The following WNK1 variants were observed in gnomAD, a reference collection of about 807,000 sequenced individuals.
WNK1 encodes serine/threonine-protein kinase WNK1.
Under a neutral mutation model 222.8 loss-of-function variants are expected in WNK1, and 38 were observed. The observed-to-expected ratio is 0.17, with a 90% CI of 0.13 to 0.22. The LOEUF (loss-of-function observed/expected upper bound fraction) is 0.22, where lower values mean the gene tolerates loss of function less well. Among genes scored for constraint, WNK1 ranks in the 10% least tolerant of loss-of-function variants. The pLI is 1.00. For missense variants in WNK1, 2,348 were observed against 2,918.4 expected (o/e 0.80, Z 4.50); for synonymous variants, 1,090 against 1,092.9 (o/e 1.00, Z 0.05).
chr12:835,911 G>A (rs1949141964), intron 4 of WNK1, among the ~76,000 whole-genome samples: 2 of 151,744 alleles, frequency 1.3e-5, no homozygotes, highest in Admixed American at 6.6e-5. Context: ...CTGAGATAGC[G>A]CCATTGCACT....
chr12:856,223 G>A (rs561376068), intron 4 of WNK1, among the ~76,000 whole-genome samples: 8 of 151,760 alleles, frequency 5.3e-5, no homozygotes, highest in South Asian at 2.1e-4. Flanking sequence ...CGAGGAGGGC[G>A]GATCACCTGA....
chr12:881,109 A>G (rs1953115840), intron 12 of WNK1, 110 bp downstream of exon 12: 5 of 1,400,878 alleles, frequency 3.6e-6, no homozygotes, highest in Non-Finnish European at 9.9e-7. Flanking sequence ...TTTGGAGACC[A>G]TGTCAAACTA....
At chr12:830,230 C>A in intron 4 of WNK1, 70 bp downstream of exon 4, 1 of 1,550,462 alleles carries the variant, frequency 6.4e-7, no homozygotes, top group Non-Finnish European at 8.9e-7. Context: ...TGGATGACAT[C>A]AAACCATGTA....
chr12:839,976 C>T (rs146620849), intron 4 of WNK1, among the ~76,000 whole-genome samples: 222 of 151,594 alleles, frequency 1.5e-3, no homozygotes, highest in Non-Finnish European at 2.5e-3. Context: ...GATCCGCCCA[C>T]CTCGGCCCCC....
rs1954065931 is a variant in WNK1 at position 890,044 on chromosome 12, C to A, written c.5449-409C>A. On this transcript the variant is annotated intron_variant, in intron 21 of 27. Transcript: ENST00000315939. ...CTTGGCTCACTGCAACCATCACCTC[C>A]CAGGTTCAAGTGATTCTTCTACCTC... 2.0e-5 allele frequency among the ~76,000 whole-genome samples: 3 copies of A among 151,508 alleles called. No homozygotes were observed. In the East Asian group the frequency reaches 5.8e-4, roughly 29 times the overall value.
chr12:754,768 C>T (rs1046504500), intron 1 of WNK1, among the ~76,000 whole-genome samples: 2 of 152,082 alleles, frequency 1.3e-5, no homozygotes, highest in African/African-American at 2.4e-5. Flanking sequence ...CAACCTTGTA[C>T]CTTTGGATGT....
intron 4 of WNK1, among the ~76,000 whole-genome samples, chr12:836,814 A>T (rs1368375965): frequency 6.6e-6 from 1 of 152,252 alleles, no homozygotes; most frequent in Non-Finnish European, 1.5e-5. Flanking sequence ...TTTTGTGCTT[A>T]TCATATTAAA....
intron 26 of WNK1, chr12:901,710 G>C (rs1393512262): frequency 1.0e-6 from 1 of 979,636 alleles, no homozygotes. Flanking sequence ...TGGATCTGAT[G>C]TTTCACGCAG....
intron 4 of WNK1, among the ~76,000 whole-genome samples, chr12:833,351 C>T (rs187301889): frequency 6.6e-6 from 1 of 152,188 alleles, no homozygotes; most frequent in Non-Finnish European, 1.5e-5. Context: ...ACTTAAGATA[C>T]CAGTTTGCTG....
chr12:859,259 A>T lies in WNK1; in HGVS notation c.1415A>T (p.Asp472Val). 6.2e-7 allele frequency: 1 copy of T among 1,613,078 alleles called. No homozygotes were observed. Among genetic ancestry groups the T allele is most frequent in the Non-Finnish European group, 8.5e-7 (1 of 1,179,218 alleles). Residue 472 changes from aspartate to valine, a missense_variant, in exon 6 of 28, where the codon GAC (aspartate) becomes GTC (valine). By Grantham distance (152) the Asp-to-Val change is radical. Coordinates refer to ENST00000315939, the MANE Select transcript of WNK1 (RefSeq NM_018979.4). ...CTGTTTGGAAGATATTCCATCAAAG[A>T]CCTTTTGAACCATGCCTTCTTCCAA... is the stretch of plus-strand genomic sequence containing the variant. ...QNKDERYSIK[D>V]LLNHAFFQEE...
At chr12:816,692 TC>T (rs1188635886) in intron 2 of WNK1, among the ~76,000 whole-genome samples, 2 of 152,098 alleles carry the variant, frequency 1.3e-5, no homozygotes, top group Non-Finnish European at 2.9e-5. Flanking sequence ...TGATAATTGA[TC>T]AGGAACGGAA....
chr12:900,424 G>A, intron 25 of WNK1, 52 bp from the exon 26 acceptor site: 1 of 1,595,730 alleles, frequency 6.3e-7, no homozygotes, highest in Non-Finnish European at 8.6e-7. Flanking sequence ...TGCCTGATGA[G>A]TGCATGGGAA....
intron 2 of WNK1, among the ~76,000 whole-genome samples, chr12:818,499 AC>A (rs1336727709): frequency 3.3e-5 from 5 of 152,146 alleles, no homozygotes; most frequent in Admixed American, 1.3e-4. Flanking sequence ...ATTGTAAAAA[AC>A]ATAACAAAAT....
At chr12:776,412 TTGTGTGTGTG>T (rs59148357) in intron 1 of WNK1, among the ~76,000 whole-genome samples, 20 of 146,110 alleles carry the variant, frequency 1.4e-4, no homozygotes, top group African/African-American at 3.3e-4. Context: ...GTTTGTGTGT[TTGTGTGTGTG>T]TGTGTGTGTG....
chr12:907,265 T>C (rs1023901168), intron 26 of WNK1, among the ~76,000 whole-genome samples: 4 of 148,042 alleles, frequency 2.7e-5, no homozygotes, highest in African/African-American at 1.0e-4. Context: ...GGGTTGCAGT[T>C]AGGTAGGATC....
chr12:777,155 TTTG>T (rs1943201214), intron 1 of WNK1, among the ~76,000 whole-genome samples: 1 of 146,912 alleles, frequency 6.8e-6, no homozygotes, highest in Admixed American at 6.7e-5. Flanking sequence ...AGGGATTTTT[TTTG>T]TTTTTTTTTT....
chr12:889,253 C>T (rs749840521), intron 21 of WNK1, 30 bp downstream of exon 21: 5 of 1,559,336 alleles, frequency 3.2e-6, no homozygotes, highest in Non-Finnish European at 4.4e-6. Flanking sequence ...ATAAAATCTC[C>T]TCATAACCCT....
chr12:871,928 CAA>C (rs1039510338), intron 9 of WNK1, among the ~76,000 whole-genome samples: 1 of 152,136 alleles, frequency 6.6e-6, no homozygotes, highest in Non-Finnish European at 1.5e-5. Context: ...ATTTACGGTA[CAA>C]AGAGTATGTC....
intron 1 of WNK1, among the ~76,000 whole-genome samples, chr12:801,423 TTGTGTGTGTGTGTGTG>T (rs367875366): frequency 4.9e-5 from 7 of 143,988 alleles, no homozygotes; most frequent in East Asian, 2.1e-4. Flanking sequence ...CTTTTTTTCT[TTGTGTGTGTGTGTGTG>T]TGTGTGTGTG....
Sources: allele counts gnomAD v4.1 joint callset (sites outside exome capture counted in the v4.1 genomes callset), GRCh38; gene constraint gnomAD v4.1.1; transcripts MANE v1.5; gene names NCBI Gene and HGNC (gene_info 2026-07-23, HGNC 2026-07-21).